CTNNBL1: variants seen among roughly 807,000 people sequenced by gnomAD.
CTNNBL1 encodes beta-catenin-like protein 1.
CTNNBL1 carries 31 observed loss-of-function variants against 72.7 expected under a neutral mutation model. The observed-to-expected ratio is 0.43, with a 90% CI of 0.32 to 0.58. CTNNBL1 has a LOEUF of 0.58. CTNNBL1 is among the 20% of genes least tolerant of loss of function. The probability of loss-of-function intolerance (pLI) is 0.08; values close to 1 mark genes in which losing one functional copy is unlikely to be tolerated. For synonymous variants in CTNNBL1, 240 were observed against 267.3 expected (o/e 0.90, Z 1.00); for missense variants, 534 against 725.1 (o/e 0.74, Z 3.03).
chr20:37,735,002 C>T (rs2073159975), intron 2 of CTNNBL1, among the ~76,000 whole-genome samples: 1 of 152,236 alleles, frequency 6.6e-6, no homozygotes, highest in African/African-American at 2.4e-5. Flanking sequence ...ATTGAGCTTA[C>T]TTGAAAGTGA....
At chr20:37,776,396 G>A (rs904427479) in intron 7 of CTNNBL1, among the ~76,000 whole-genome samples, 2 of 152,156 alleles carry the variant, frequency 1.3e-5, no homozygotes, top group African/African-American at 4.8e-5. Flanking sequence ...TAAGGTGACG[G>A]AAGTGTTAGT....
chr20:37,842,055 C>T lies in CTNNBL1; in HGVS notation c.1312-284C>T, dbSNP rs184338540. On this transcript the variant is annotated intron_variant, in intron 12 of 15. Coordinates refer to ENST00000361383, the MANE Select transcript of CTNNBL1 (RefSeq NM_030877.5). ...TTATCTATTTATTTGTTTTTAACAA[C>T]GTGCATTCCTGGGAGTTCTAGAAGG... 2.4e-3 allele frequency among the ~76,000 whole-genome samples: 362 copies of T among 152,302 alleles called. 1 individual carries two copies. Among genetic ancestry groups the T allele is most frequent in the Admixed American group, 4.2e-3 (64 of 15,298 alleles).
chr20:37,816,872 C>G (rs1233537111), intron 11 of CTNNBL1, among the ~76,000 whole-genome samples: 12 of 151,882 alleles, frequency 7.9e-5, no homozygotes, highest in Non-Finnish European at 8.8e-5. Context: ...TGCTGGCTCA[C>G]AAACTTCTGG....
At chr20:37,826,150 A>C (rs745827247) in intron 11 of CTNNBL1, among the ~76,000 whole-genome samples, 5 of 152,208 alleles carry the variant, frequency 3.3e-5, no homozygotes, top group Non-Finnish European at 5.9e-5. Flanking sequence ...TTCCCTCTGC[A>C]TTCATAGAGA....
chr20:37,753,552 A>G (rs965129859), intron 4 of CTNNBL1, among the ~76,000 whole-genome samples: 1 of 152,248 alleles, frequency 6.6e-6, no homozygotes, highest in Non-Finnish European at 1.5e-5. Context: ...GAAATATGAA[A>G]TTAGGTCTTC....
At chr20:37,868,741 T>C (rs1312124644) in intron 15 of CTNNBL1, among the ~76,000 whole-genome samples, 3 of 152,048 alleles carry the variant, frequency 2.0e-5, no homozygotes, top group Admixed American at 1.3e-4. Context: ...CAGGTGTGGG[T>C]TCCCTCTGCT....
intron 3 of CTNNBL1, among the ~76,000 whole-genome samples, chr20:37,740,011 G>C (rs528030413): frequency 6.6e-6 from 1 of 152,248 alleles, no homozygotes. Flanking sequence ...TTGGAGCAGA[G>C]TTTCTGCAGG....
intron 11 of CTNNBL1, among the ~76,000 whole-genome samples, chr20:37,806,380 G>A (rs1021681229): frequency 3.3e-5 from 5 of 152,192 alleles, no homozygotes; most frequent in Non-Finnish European, 5.9e-5. Context: ...CACCAGGATG[G>A]CTAACTAGTA....
chr20:37,720,845 C>T (rs1275017909), intron 1 of CTNNBL1, among the ~76,000 whole-genome samples: 1 of 152,168 alleles, frequency 6.6e-6, no homozygotes, highest in Admixed American at 6.5e-5. Flanking sequence ...ATCCTAGGAT[C>T]CCTACTCTTG....
intron 2 of CTNNBL1, among the ~76,000 whole-genome samples, chr20:37,734,704 C>T (rs992364535): frequency 1.3e-5 from 2 of 152,248 alleles, no homozygotes; most frequent in African/African-American, 2.4e-5. Flanking sequence ...TGTAAAGTCA[C>T]GTGAACTTGT....
chr20:37,802,341 G>A (rs2073829826), intron 10 of CTNNBL1, among the ~76,000 whole-genome samples: 1 of 152,204 alleles, frequency 6.6e-6, no homozygotes, highest in Admixed American at 6.5e-5. Context: ...GTTGCTTAGG[G>A]CCAGGATGGG....
At chr20:37,848,707 A>T (rs1568809317) in intron 13 of CTNNBL1, among the ~76,000 whole-genome samples, 1 of 152,084 alleles carries the variant, frequency 6.6e-6, no homozygotes, top group Non-Finnish European at 1.5e-5. Context: ...CTGGTCCCAC[A>T]CCTCTGCCAC....
rs78962146 is a variant in CTNNBL1, at chr20:37,694,074, G to A, written c.-49G>A. The A allele has an allele frequency of 3.2e-4, 516 of 1,590,142 alleles. 1 individual carries two copies. In the African/African-American group the frequency reaches 3.5e-3, roughly 11 times the overall value. The stretch of plus-strand genomic sequence containing the variant: ...CTGGAGCCGCGGCTGACGGGCCCGC[G>A]GTCTGGGCGTGAGTGCAGGGAAGTG... On this transcript the variant is annotated 5_prime_UTR_variant, in exon 1 of 16. Transcript: ENST00000361383.
intron 11 of CTNNBL1, among the ~76,000 whole-genome samples, chr20:37,820,923 G>T (rs980112954): frequency 1.3e-5 from 2 of 152,096 alleles, no homozygotes; most frequent in African/African-American, 2.4e-5. Context: ...ATCCTTTCAG[G>T]TCTTCTTAAT....
At chr20:37,795,988 G>A (rs541392724) in intron 10 of CTNNBL1, among the ~76,000 whole-genome samples, 1 of 148,530 alleles carries the variant, frequency 6.7e-6, no homozygotes, top group Non-Finnish European at 1.5e-5. Flanking sequence ...GAAATAGTTT[G>A]GTCCTTTTGA....
intron 4 of CTNNBL1, chr20:37,751,073 G>A (rs1168512958): frequency 1.3e-5 from 2 of 151,836 alleles, no homozygotes; most frequent in Non-Finnish European, 2.9e-5. Context: ...CTCCTACTCC[G>A]GATGGAAGCT....
chr20:37,801,250 A>C (rs987129172), intron 10 of CTNNBL1, among the ~76,000 whole-genome samples: 2 of 151,820 alleles, frequency 1.3e-5, no homozygotes, highest in Non-Finnish European at 2.9e-5. Flanking sequence ...TGGTCTCCCC[A>C]GATTTAGCTT....
At chr20:37,786,476 G>A (rs989988321) in intron 10 of CTNNBL1, among the ~76,000 whole-genome samples, 2 of 151,676 alleles carry the variant, frequency 1.3e-5, no homozygotes, top group Non-Finnish European at 1.5e-5. Flanking sequence ...AATTGGATTT[G>A]TTTTTTTTGG....
At chr20:37,816,871 A>G (rs1462338036) in intron 11 of CTNNBL1, among the ~76,000 whole-genome samples, 1 of 151,856 alleles carries the variant, frequency 6.6e-6, no homozygotes, top group Admixed American at 6.5e-5. Flanking sequence ...CTGCTGGCTC[A>G]CAAACTTCTG....
Sources: gnomAD v4.1 joint callset for allele counts (sites outside exome capture counted in the v4.1 genomes callset) on GRCh38, gnomAD v4.1.1 for gene constraint, MANE v1.5 for transcripts, NCBI Gene and HGNC (gene_info 2026-07-23, HGNC 2026-07-21) for gene names.